FGGY: variants seen among roughly 807,000 people sequenced by gnomAD.
FGGY encodes the protein FGGY carbohydrate kinase domain containing, also known as FGGY carbohydrate kinase domain-containing protein.
A neutral mutation model predicts 71.3 loss-of-function variants in FGGY; 72 were observed. That is an observed-to-expected ratio of 1.01 (90% CI 0.84 to 1.23). The LOEUF is 1.23. Ranked by LOEUF, FGGY falls within the 50% of genes most tolerant of loss-of-function variation. The probability of loss-of-function intolerance (pLI) is 0.00; values close to 1 mark genes in which losing one functional copy is unlikely to be tolerated. For missense variants in FGGY, 668 were observed against 682.3 expected (o/e 0.98, Z 0.23); for synonymous variants, 251 against 250.3 (o/e 1.00, Z -0.02).
intron 8 of FGGY, among the ~76,000 whole-genome samples, chr1:59,580,637 G>T (rs367991205): frequency 6.6e-6 from 1 of 152,048 alleles, no homozygotes; most frequent in Admixed American, 6.6e-5. Context: ...TTCAGCAACC[G>T]CAGGTCCTTC....
chr1:59,335,262 A>T (rs1375094636), intron 2 of FGGY, among the ~76,000 whole-genome samples: 2 of 152,152 alleles, frequency 1.3e-5, no homozygotes, highest in Non-Finnish European at 2.9e-5. Context: ...TTCTGTCTTT[A>T]TAGGTGTTCT....
chr1:59,461,104 G>A (rs1002320053), intron 6 of FGGY, among the ~76,000 whole-genome samples: 1 of 152,022 alleles, frequency 6.6e-6, no homozygotes, highest in Non-Finnish European at 1.5e-5. Flanking sequence ...TCAGAAGGTC[G>A]GTAATAACAA....
intron 8 of FGGY, among the ~76,000 whole-genome samples, chr1:59,570,079 G>A (rs937867212): frequency 1.3e-5 from 2 of 152,228 alleles, no homozygotes; most frequent in Non-Finnish European, 2.9e-5. Flanking sequence ...GTCAATTAAT[G>A]TGCACAAAAT....
At chr1:59,328,472 A>C (rs576151387) in intron 2 of FGGY, among the ~76,000 whole-genome samples, 1 of 152,332 alleles carries the variant, frequency 6.6e-6, no homozygotes, top group South Asian at 2.1e-4. Context: ...TGACTTAAAG[A>C]ATGTTGTGGC....
In FGGY at chr1:59,536,655, A is replaced by G. The variant is rs543398360; in HGVS notation, c.800-17469A>G. Among the ~76,000 whole-genome samples the G allele has an allele frequency of 2.6e-5, 4 of 152,338 alleles. No individual in the cohort carries two copies. The East Asian group carries it at 7.7e-4, about 29-fold the overall frequency. On this transcript the variant is annotated intron_variant, in intron 7 of 15. Coordinates refer to ENST00000303721, the MANE Select transcript of FGGY (RefSeq NM_018291.5). ...CAGCACATCAAAAAGCTTATCCACC[A>G]TGATCAAGTGGGCTTCATCCCTGGG... is the stretch of plus-strand genomic sequence containing the variant.
intron 6 of FGGY, among the ~76,000 whole-genome samples, chr1:59,459,916 TA>T (rs1252020784): frequency 2.0e-5 from 3 of 152,206 alleles, no homozygotes; most frequent in Non-Finnish European, 4.4e-5. Context: ...GTTTGTCATA[TA>T]AAGGGATTCA....
intron 8 of FGGY, among the ~76,000 whole-genome samples, chr1:59,587,527 C>T (rs1249098427): frequency 6.6e-6 from 1 of 152,196 alleles, no homozygotes; most frequent in Non-Finnish European, 1.5e-5. Context: ...CCCCAAGCAG[C>T]CTAACTGGGA....
At chr1:59,359,158 T>C (rs762112024) in intron 4 of FGGY, among the ~76,000 whole-genome samples, 1 of 152,238 alleles carries the variant, frequency 6.6e-6, no homozygotes, top group Non-Finnish European at 1.5e-5. Context: ...TTTTGCTGAT[T>C]AATTATTCAT....
At chr1:59,745,835 T>A (rs748644322) in intron 14 of FGGY, among the ~76,000 whole-genome samples, 37 of 152,200 alleles carry the variant, frequency 2.4e-4, no homozygotes, top group Non-Finnish European at 4.0e-4. Flanking sequence ...TTCTGGAAGT[T>A]GCTTTAAAGT....
intron 6 of FGGY, 85 bp downstream of exon 6, chr1:59,457,161 T>A (rs778185967): frequency 2.4e-5 from 23 of 939,812 alleles, no homozygotes; most frequent in Admixed American, 6.1e-5. Flanking sequence ...GTATGTTTCT[T>A]GTTTTTGTAT....
rs189279639 is a variant in FGGY, at chr1:59,425,329, C to T, written c.555-31632C>T. Among the ~76,000 whole-genome samples, 638 of 152,186 alleles carry T rather than the reference C, an allele frequency of 4.2e-3. 18 individuals carry two copies. The highest frequency in any genetic ancestry group is 1.4e-3 in the Non-Finnish European group (93 of 68,002). ...TAATAGATTCCAGTATTTTTATGGC[C>T]TTTTAAGTGTGTTTTGGGGATTTCT... On this transcript the variant is annotated intron_variant, in intron 5 of 15. Transcript: ENST00000303721.
At chr1:59,634,286 A>G (rs1029477937) in intron 10 of FGGY, among the ~76,000 whole-genome samples, 4 of 152,184 alleles carry the variant, frequency 2.6e-5, no homozygotes, top group Non-Finnish European at 5.9e-5. Context: ...ACACGCCTGT[A>G]GTCCCAGCTA....
At chr1:59,464,130 G>A (rs1330651826) in intron 6 of FGGY, among the ~76,000 whole-genome samples, 4 of 152,126 alleles carry the variant, frequency 2.6e-5, no homozygotes, top group African/African-American at 9.7e-5. Context: ...GCAATCCTCC[G>A]CAAATATGAA....
intron 14 of FGGY, among the ~76,000 whole-genome samples, chr1:59,739,680 T>A (rs2098132338): frequency 6.6e-6 from 1 of 152,164 alleles, no homozygotes. Flanking sequence ...TTTTCAGAAT[T>A]TTTTTTTCAC....
chr1:59,302,987 T>TC (rs1393312855), intron 1 of FGGY, among the ~76,000 whole-genome samples: 1 of 152,074 alleles, frequency 6.6e-6, no homozygotes, highest in East Asian at 1.9e-4. Flanking sequence ...ATTTCCTTTT[T>TC]CCCCCAGCTT....
At chr1:59,690,113 C>T (rs2097577676) in intron 14 of FGGY, among the ~76,000 whole-genome samples, 1 of 152,104 alleles carries the variant, frequency 6.6e-6, no homozygotes, top group Non-Finnish European at 1.5e-5. Context: ...TATAGAAAAT[C>T]CTAAAATGGA....
rs576112977 is a variant in FGGY at position 59,470,265 on chromosome 1, A to T, written c.670+13189A>T. On this transcript the variant is annotated intron_variant, in intron 6 of 15. Coordinates refer to ENST00000303721, the MANE Select transcript of FGGY (RefSeq NM_018291.5). ...ATTCCCTTTTCTTCACAACCTCACC[A>T]GCATCTGTTATTTTTTGACTTTTTA... is the stretch of plus-strand genomic sequence containing the variant. 3.8e-4 allele frequency among the ~76,000 whole-genome samples: 58 copies of T among 152,268 alleles called. 1 individual carries two copies. Among genetic ancestry groups the T allele is most frequent in the South Asian group, 8.3e-4 (4 of 4,824 alleles).
intron 2 of FGGY, among the ~76,000 whole-genome samples, chr1:59,333,086 A>G (rs55769814): frequency 0.19 from 29,058 of 152,206 alleles, 3,354 homozygotes; most frequent in East Asian, 0.35. Flanking sequence ...TACCTGACCT[A>G]GAAGTGGTGG....
At chr1:59,723,564 G>GA (rs1491452632) in intron 14 of FGGY, among the ~76,000 whole-genome samples, 1 of 79,286 alleles carries the variant, frequency 1.3e-5, no homozygotes, top group Admixed American at 1.2e-4. Context: ...GTTTTTTTTT[G>GA]GGGGGGGGTG....
Sources: gnomAD v4.1 joint callset for allele counts (sites outside exome capture counted in the v4.1 genomes callset) on GRCh38, gnomAD v4.1.1 for gene constraint, MANE v1.5 for transcripts, NCBI Gene and HGNC (gene_info 2026-07-23, HGNC 2026-07-21) for gene names.